Variants in NOX1 observed in about 807,000 individuals in gnomAD.
NOX1 encodes NADPH oxidase 1, also known as NADH/NADPH mitogenic oxidase subunit P65-MOX.
NOX1 carries 34 observed loss-of-function variants against 42.5 expected under a neutral mutation model. The ratio of observed to expected loss-of-function variants is 0.80; its 90% confidence interval spans 0.61 to 1.07. The LOEUF is 1.07. Ranked by LOEUF, NOX1 falls within the 50% of genes least tolerant of loss-of-function variation. The probability of loss-of-function intolerance (pLI) is 0.00; values close to 1 mark genes in which losing one functional copy is unlikely to be tolerated. For missense variants in NOX1, 408 were observed against 427.0 expected (o/e 0.96, Z 0.39); for synonymous variants, 143 against 152.5 (o/e 0.94, Z 0.46).
chrX:100,863,963 C>CAGATATAGATATAGATAT (rs72563175), intron 2 of NOX1, among the ~76,000 whole-genome samples: 34 of 110,772 alleles, frequency 3.1e-4, no homozygotes, highest in East Asian at 2.6e-3. Context: ...TCCTAAGGAT[C>CAGATATAGATATAGATAT]AGATATAGAT....
chrX:100,849,121 C>T (rs1199879535), intron 11 of NOX1, among the ~76,000 whole-genome samples, 159 bp downstream of exon 11: 1 of 111,809 alleles, frequency 8.9e-6, no homozygotes, highest in African/African-American at 3.2e-5. Context: ...AAAACCAAGT[C>T]CTGATAGCTG....
intron 2 of NOX1, among the ~76,000 whole-genome samples, chrX:100,867,643 A>G (rs2085247032): frequency 9.0e-6 from 1 of 111,316 alleles, no homozygotes; most frequent in South Asian, 3.8e-4. Flanking sequence ...AGGTGGGAAG[A>G]TAGCTGAAGC....
At chrX:100,871,678 C>T (rs1223367124) in intron 1 of NOX1, among the ~76,000 whole-genome samples, 2 of 112,045 alleles carry the variant, frequency 1.8e-5, no homozygotes, top group Admixed American at 9.5e-5. Flanking sequence ...GACCAACCAA[C>T]TGGTCTCTAG....
intron 12 of NOX1, among the ~76,000 whole-genome samples, chrX:100,844,450 T>C (rs2085058735): frequency 9.0e-6 from 1 of 111,674 alleles, no homozygotes; most frequent in Non-Finnish European, 1.9e-5. Flanking sequence ...TTTTCTTTTT[T>C]TGAGATGGAG....
At chrX:100,869,136 C>T (rs747406595) in intron 2 of NOX1, among the ~76,000 whole-genome samples, 8 of 110,832 alleles carry the variant, frequency 7.2e-5, no homozygotes, top group South Asian at 3.9e-4. Context: ...ATTGACTTGG[C>T]GATGCGGGCT....
intron 12 of NOX1, among the ~76,000 whole-genome samples, chrX:100,846,910 C>T (rs925335008): frequency 2.5e-4 from 10 of 40,538 alleles, no homozygotes; most frequent in South Asian, 2.3e-3. Flanking sequence ...GAATAAGGGC[C>T]GGGCATGGTG....
At chrX:100,870,907 T>A (rs1439405362) in intron 1 of NOX1, 93 bp from the exon 2 acceptor site, 1 of 543,469 alleles carries the variant, frequency 1.8e-6, no homozygotes, top group Non-Finnish European at 3.0e-6. Context: ...AGTGTCGCCG[T>A]TTTGGCTATT....
Position 100,849,816 on chromosome X carries a change from A to G in NOX1, c.1252T>C (p.Trp418Arg). ...TPFASILKSI[W>R]YKFQCADHNL... The stretch of plus-strand genomic sequence containing the variant: ...TGGTCTGCACACTGGAATTTGTACC[A>G]GATGGATTTCAAGATAGAAGCAAAG... Residue 418 changes from tryptophan (W) to arginine (R), a missense_variant, in exon 10 of 13, where the codon TGG (tryptophan) becomes CGG (arginine). Physicochemically the swap from Trp to Arg is moderately radical, Grantham distance 101. Transcript: ENST00000372966. 1 of 1,211,444 alleles carries G rather than the reference A, an allele frequency of 8.3e-7. No individual in the cohort carries two copies. The highest frequency in any genetic ancestry group is 3.0e-5 in the East Asian group (1 of 33,842).
Position 100,862,248 on chromosome X carries a change from A to C in NOX1, c.727T>G (p.Cys243Gly), listed in dbSNP as rs777518570. 7 of 1,210,902 alleles carry C rather than the reference A, an allele frequency of 5.8e-6. No homozygotes were observed. In the South Asian group the frequency reaches 7.0e-5, roughly 12 times the overall value. ...ESMNESHPRK[C>G]AESFEMWDDR... ...TCCCACATCTCAAAAGACTCTGCAC[A>C]CTTGCGAGGATGACTCTCATTCATG... The change falls in exon 7 of 13, where the codon TGT (cysteine) becomes GGT (glycine). Residue 243 changes from cysteine (C) to glycine (G), a missense_variant. Coordinates refer to ENST00000372966, the MANE Select transcript of NOX1 (RefSeq NM_007052.5).
rs1420723906 is a variant in NOX1, at chrX:100,874,206, G to A, written c.-67C>T. 2 of 782,330 alleles carry A rather than the reference G, an allele frequency of 2.6e-6. No individual in the cohort carries two copies. Among genetic ancestry groups the A allele is most frequent in the African/African-American group, 2.1e-5 (1 of 48,453 alleles). 64.5% of individuals were successfully genotyped at this position (782,330 alleles called of 1,213,427 possible). On this transcript the variant is annotated 5_prime_UTR_variant, in exon 1 of 13. Transcript: ENST00000372966. ...ATTCAGCAATCCGGATTCTGGAGAG[G>A]TCCTTCAGGAATGGAACATTTGTCC...
chrX:100,873,973 G>A, intron 1 of NOX1, 122 bp downstream of exon 1: 1 of 482,476 alleles, frequency 2.1e-6, no homozygotes, highest in Non-Finnish European at 3.5e-6. Context: ...TAACTAACTG[G>A]TCTTGATGAG....
chrX:100,852,395 G>A (rs2085120955), intron 7 of NOX1, among the ~76,000 whole-genome samples: 1 of 111,460 alleles, frequency 9.0e-6, no homozygotes, highest in Non-Finnish European at 1.9e-5. Flanking sequence ...CTCGAACCCA[G>A]GAGGTCGCAG....
At position 100,846,852 on chromosome X, in the gene NOX1, A is replaced by G. The variant is rs753965927; in HGVS notation, c.1568+1778T>C. The stretch of plus-strand genomic sequence containing the variant: ...GTCTTACAGATGAGGAATCAAGATC[A>G]GAGAGTTCAGAAGTTCAAGGTCTCA... On this transcript the variant is annotated intron_variant, in intron 12 of 12. Transcript: ENST00000372966. Among the ~76,000 whole-genome samples, 132 of 112,401 alleles carry G rather than the reference A, an allele frequency of 1.2e-3. 1 individual carries two copies. The highest frequency in any genetic ancestry group is 4.0e-3 in the African/African-American group (123 of 30,971).
intron 2 of NOX1, among the ~76,000 whole-genome samples, chrX:100,867,834 A>G (rs1352333424): frequency 9.1e-6 from 1 of 109,606 alleles, no homozygotes. Flanking sequence ...GAAGGAAGGA[A>G]GGAAAGAAAG....
chrX:100,861,775 T>C (rs759665848), intron 7 of NOX1, among the ~76,000 whole-genome samples: 65 of 112,037 alleles, frequency 5.8e-4, no homozygotes, highest in South Asian at 5.6e-3. Context: ...GTTTACTTAA[T>C]CTCTTGGAAT....
chrX:100,866,225 A>G (rs1274522004), intron 2 of NOX1, among the ~76,000 whole-genome samples: 1 of 109,452 alleles, frequency 9.1e-6, no homozygotes, highest in Non-Finnish European at 1.9e-5. Context: ...CCATCTCAAA[A>G]AAAAAAAAAA....
At chrX:100,874,045 T>G (rs2085292196) in intron 1 of NOX1, 50 bp downstream of exon 1, 1 of 914,766 alleles carries the variant, frequency 1.1e-6, no homozygotes, top group Non-Finnish European at 1.6e-6. Context: ...TTAAAAAACA[T>G]GATTTCTCCT....
chrX:100,855,326 T>C, intron 7 of NOX1: 1 of 585,777 alleles, frequency 1.7e-6, no homozygotes, highest in Non-Finnish European at 3.0e-6. Context: ...CTGCTGCTAC[T>C]GGAACCGCCA....
At chrX:100,859,558 A>G (rs1014819016) in intron 7 of NOX1, among the ~76,000 whole-genome samples, 1 of 111,097 alleles carries the variant, frequency 9.0e-6, no homozygotes, top group Non-Finnish European at 1.9e-5. Flanking sequence ...CTGTGAATCT[A>G]TCTGGTCCTG....
Sources: allele counts gnomAD v4.1 joint callset (sites outside exome capture counted in the v4.1 genomes callset), GRCh38; gene constraint gnomAD v4.1.1; transcripts MANE v1.5; gene names NCBI Gene and HGNC (gene_info 2026-07-23, HGNC 2026-07-21).